The following SLC6A3 variants were observed in gnomAD, a reference collection of about 807,000 sequenced individuals.
The protein encoded by SLC6A3 is solute carrier family 6 member 3, also known as sodium-dependent dopamine transporter.
In SLC6A3, 19 loss-of-function variants were observed where a neutral mutation model predicts 70.4. The ratio of observed to expected loss-of-function variants is 0.27; its 90% CI spans 0.19 to 0.40. The LOEUF (loss-of-function observed/expected upper bound fraction) is 0.40, where lower values mean the gene tolerates loss of function less well. Among genes scored for constraint, SLC6A3 ranks in the 10% least tolerant of loss-of-function variants. The probability of loss-of-function intolerance (pLI) is 1.00; values close to 1 mark genes in which losing one functional copy is unlikely to be tolerated. For missense variants in SLC6A3, 613 were observed against 838.5 expected, an observed-to-expected ratio of 0.73 and a Z score of 3.32; for synonymous variants, 368 against 356.6, an observed-to-expected ratio of 1.03 and a Z score of -0.36.
chr5:1,407,750 A>G (rs1332283843), intron 11 of SLC6A3, among the ~76,000 whole-genome samples: 1 of 152,198 alleles, frequency 6.6e-6, no homozygotes, highest in Non-Finnish European at 1.5e-5. Context: ...TAGACAAAGT[A>G]TTGATTCCAG....
chr5:1,399,933 C>A (rs2126316865), intron 14 of SLC6A3, among the ~76,000 whole-genome samples: 1 of 152,296 alleles, frequency 6.6e-6, no homozygotes, highest in South Asian at 2.1e-4. Flanking sequence ...CTTGCTCCTG[C>A]CCCATGTGCA....
chr5:1,436,486 T>C lies in SLC6A3; in HGVS notation c.419-3788A>G, dbSNP rs1171000749. On this transcript the variant is annotated intron_variant, in intron 3 of 14. Coordinates refer to ENST00000270349, the MANE Select transcript of SLC6A3 (RefSeq NM_001044.5). The surrounding 1 kb of genome is among the most constrained non-coding windows in gnomAD (Gnocchi z 5.2). ...AACATGGCGCTTCCCTTCCCTCCTG[T>C]CTGACTCCCAGGAAGCTCGGCGCTA... 2.0e-5 allele frequency among the ~76,000 whole-genome samples: 3 copies of C among 152,204 alleles called. No homozygotes were observed. Among genetic ancestry groups the C allele is most frequent in the African/African-American group, 7.2e-5 (3 of 41,456 alleles).
At chr5:1,416,758 C>T (rs540614799) in intron 6 of SLC6A3, among the ~76,000 whole-genome samples, 7 of 150,832 alleles carry the variant, frequency 4.6e-5, no homozygotes, top group South Asian at 2.1e-4. Flanking sequence ...ACAACATGAC[C>T]GCAGCGTCCT....
In SLC6A3 at chr5:1,396,133, G is replaced by C. The variant is rs2111329265; in HGVS notation, c.1840-1375C>G. Among the ~76,000 whole-genome samples the C allele has an allele frequency of 6.6e-6, 1 of 152,310 alleles. No homozygotes were observed. The highest frequency in any genetic ancestry group is 2.4e-5 in the African/African-American group (1 of 41,576). On this transcript the variant is annotated intron_variant, in intron 14 of 14. Coordinates refer to ENST00000270349, the MANE Select transcript of SLC6A3 (RefSeq NM_001044.5). This position sits in a 1 kb window ranked among gnomAD's most constrained non-coding sequence, Gnocchi z 7.0. ...CAGCTTCCAGAGATGAAGTAGAAAA[G>C]AGAATGGCTGGGCTGCAGACCAGGG...
Position 1,437,445 on chromosome 5 carries a change from G to A in SLC6A3, c.418+3914C>T, listed in dbSNP as rs1756865173. ...AGAGACACAGAGAGGAAAGGAGGGA[G>A]AGAGACAGAAAGAGACACAGGGAGA... is the stretch of plus-strand genomic sequence containing the variant. On this transcript the variant is annotated intron_variant, in intron 3 of 14. Coordinates refer to ENST00000270349, the MANE Select transcript of SLC6A3 (RefSeq NM_001044.5). This position sits in a 1 kb window ranked among gnomAD's most constrained non-coding sequence, Gnocchi z 4.8. Among the ~76,000 whole-genome samples, 2 of 152,128 alleles carry A rather than the reference G, an allele frequency of 1.3e-5. No individual in the cohort carries two copies. The highest frequency in any genetic ancestry group is 1.3e-4 in the Admixed American group (2 of 15,264).
chr5:1,407,794 T>C (rs2126335560), intron 11 of SLC6A3, among the ~76,000 whole-genome samples: 1 of 152,344 alleles, frequency 6.6e-6, no homozygotes, highest in Non-Finnish European at 1.5e-5. Context: ...ATATTTCCGT[T>C]TTCTGTAGAG....
Position 1,401,619 on chromosome 5 carries a change from G to A in SLC6A3, c.1768-633C>T, listed in dbSNP as rs140092749. On this transcript the variant is annotated intron_variant, in intron 13 of 14. Transcript: ENST00000270349. The surrounding 1 kb of genome is among the most constrained non-coding windows in gnomAD (Gnocchi z 6.1). ...ACCCCTGTGCGTGGCCCCACCCCACGTCATCACCACAATTCCACTTGTACC... is the reference window on the plus strand; with the variant it reads ...ACCCCTGTGCGTGGCCCCACCCCACATCATCACCACAATTCCACTTGTACC... 7.9e-5 allele frequency among the ~76,000 whole-genome samples: 12 copies of A among 152,270 alleles called. No homozygotes were observed. The highest frequency in any genetic ancestry group is 1.0e-4 in the Non-Finnish European group (7 of 68,004).
At chr5:1,418,850 T>A (rs906911198) in intron 6 of SLC6A3, among the ~76,000 whole-genome samples, 2 of 138,540 alleles carry the variant, frequency 1.4e-5, no homozygotes, top group Non-Finnish European at 1.6e-5. Context: ...CCACCCGTCA[T>A]CCATCCATTA....
intron 6 of SLC6A3, among the ~76,000 whole-genome samples, chr5:1,418,899 C>A (rs1229794748): frequency 6.6e-6 from 1 of 150,588 alleles, no homozygotes; most frequent in Non-Finnish European, 1.5e-5. Context: ...ACCTACCTAT[C>A]ATTCATCCAC....
rs1429656426 is a variant in SLC6A3, at chr5:1,394,811, A to G, written c.1840-53T>C. The G allele has an allele frequency of 6.2e-7, 1 of 1,603,270 alleles. No homozygotes were observed. The highest frequency in any genetic ancestry group is 1.4e-5 in the African/African-American group (1 of 73,008). ...ACCCTGGGGCGATGCCCCATTTAAG[A>G]GCAGCTGAAGGTGGCTAAGAGCAGC... On this transcript the variant is annotated intron_variant, in intron 14 of 14. Transcript: ENST00000270349. This position sits in a 1 kb window ranked among gnomAD's most constrained non-coding sequence, Gnocchi z 4.7.
At chr5:1,439,335 T>TGGGGGG (rs1756917165) in intron 3 of SLC6A3, among the ~76,000 whole-genome samples, 2 of 5,948 alleles carry the variant, frequency 3.4e-4, no homozygotes, top group African/African-American at 6.8e-4. Context: ...GGGGTGGGGG[T>TGGGGGG]GGGGGTGGGG....
chr5:1,431,373 G>A (rs998183928), intron 4 of SLC6A3, among the ~76,000 whole-genome samples: 12 of 152,324 alleles, frequency 7.9e-5, no homozygotes, highest in Non-Finnish European at 1.2e-4. Flanking sequence ...GGTGAGGGGC[G>A]GGCCTGGCCT....
chr5:1,424,795 C>T (rs887448675), intron 4 of SLC6A3, among the ~76,000 whole-genome samples: 21 of 152,316 alleles, frequency 1.4e-4, no homozygotes, highest in Non-Finnish European at 2.5e-4. Flanking sequence ...AGCCCCTTCT[C>T]GAGATTAGAA....
chr5:1,413,213 C>T lies in SLC6A3; in HGVS notation c.1156+1478G>A, dbSNP rs973266016. Among the ~76,000 whole-genome samples, 30 of 152,192 alleles carry T rather than the reference C, an allele frequency of 2.0e-4. No individual in the cohort carries two copies. The highest frequency in any genetic ancestry group is 5.8e-4 in the African/African-American group (24 of 41,452). On this transcript the variant is annotated intron_variant, in intron 8 of 14. Transcript: ENST00000270349. This position sits in a 1 kb window ranked among gnomAD's most constrained non-coding sequence, Gnocchi z 7.1. ...AAAGAATGAAGAAAAGGCATAAATG[C>T]GGCACCGAGTAAATTTCACTGCTCT...
At chr5:1,422,450 A>AAGACAGCCCCAG (rs1756466521) in intron 4 of SLC6A3, among the ~76,000 whole-genome samples, 1 of 73,978 alleles carries the variant, frequency 1.4e-5, no homozygotes, top group African/African-American at 4.9e-5. Context: ...CGCTGCCCAC[A>AAGACAGCCCCAG]GTGCTGCCCA....
chr5:1,407,320 T>C (rs778004169), intron 11 of SLC6A3, among the ~76,000 whole-genome samples: 1 of 152,034 alleles, frequency 6.6e-6, no homozygotes, highest in Non-Finnish European at 1.5e-5. Flanking sequence ...GCATCCGAGC[T>C]CTGAACATGA....
chr5:1,402,956 T>C lies in SLC6A3; in HGVS notation c.1733A>G (p.Tyr578Cys). The stretch of plus-strand genomic sequence containing the variant: ...GGACCCAGGCAGGCTGCAGAACTTG[T>C]AGGCCGCATAGATGGGCACCATGGC... Reference protein sequence around the residue: ...SMAMVPIYAAYKFCSLPGSFR... With the variant: ...SMAMVPIYAACKFCSLPGSFR... The change falls in exon 13 of 15, where the codon TAC (tyrosine) becomes TGC (cysteine). Residue 578 changes from tyrosine (Y) to cysteine (C), a missense_variant. This residue lies in a region of SLC6A3 where 348 missense variants were observed against 481.2 expected (regional missense o/e 0.72). Transcript: ENST00000270349. This position sits in a 1 kb window ranked among gnomAD's most constrained non-coding sequence, Gnocchi z 8.5. 2 of 1,613,968 alleles carry C rather than the reference T, an allele frequency of 1.2e-6. No individual in the cohort carries two copies. Among genetic ancestry groups the C allele is most frequent in the Non-Finnish European group, 1.7e-6 (2 of 1,180,008 alleles).
chr5:1,400,884 G>A (rs772933596), intron 14 of SLC6A3, 31 bp downstream of exon 14: 46 of 1,469,554 alleles, frequency 3.1e-5, no homozygotes, highest in South Asian at 3.0e-4. Context: ...GAATTCCCCC[G>A]AGAGAGGCCC....
intron 7 of SLC6A3, among the ~76,000 whole-genome samples, 170 bp downstream of exon 7, chr5:1,415,928 C>T (rs918313850): frequency 5.3e-5 from 8 of 152,232 alleles, no homozygotes; most frequent in Non-Finnish European, 8.8e-5. Flanking sequence ...AAATCAAAAT[C>T]GTGTTGGGAG....
Sources: gnomAD v4.1 joint callset for allele counts (sites outside exome capture counted in the v4.1 genomes callset) on GRCh38, gnomAD v4.1.1 for gene constraint, gnomAD v4.1.1 regional missense constraint, Gnocchi (gnomAD v3.1) non-coding constraint, MANE v1.5 for transcripts, NCBI Gene and HGNC (gene_info 2026-07-23, HGNC 2026-07-21) for gene names.